Variants in AGBL1 observed in about 807,000 individuals in gnomAD.
AGBL1 encodes cytosolic carboxypeptidase 4.
In AGBL1, 130 loss-of-function variants were observed where a neutral mutation model predicts 118.9. That is an observed-to-expected ratio of 1.09 (90% CI 0.95 to 1.26). The LOEUF (loss-of-function observed/expected upper bound fraction) is 1.26. AGBL1 is among the 50% of genes most tolerant of loss of function. The pLI, the probability that AGBL1 is intolerant of heterozygous loss-of-function variation, is 0.00. For missense variants in AGBL1, 1,584 were observed against 1,298.1 expected, an observed-to-expected ratio of 1.22 and a Z score of -3.38; for synonymous variants, 555 against 478.9, an observed-to-expected ratio of 1.16 and a Z score of -2.08.
chr15:86,227,298 G>A (rs544606020), intron 6 of AGBL1, among the ~76,000 whole-genome samples: 2 of 152,232 alleles, frequency 1.3e-5, no homozygotes, highest in African/African-American at 2.4e-5. Flanking sequence ...TGCTAATTCT[G>A]CTGAGCTGTC....
At position 86,372,571 on chromosome 15, in the gene AGBL1, C is replaced by G. The variant is rs114196524; in HGVS notation, c.2375-24795C>G. 4.2e-3 allele frequency among the ~76,000 whole-genome samples: 641 copies of G among 152,386 alleles called. 3 individuals carry two copies. Among genetic ancestry groups the G allele is most frequent in the African/African-American group, 0.014 (584 of 41,592 alleles). On this transcript the variant is annotated intron_variant, in intron 17 of 22. Transcript: ENST00000614907. ...ATTTCTCTCCATTCATACATATGCACATGTTTGCATAAATGCAAATATATG... is the reference window on the plus strand; with the variant it reads ...ATTTCTCTCCATTCATACATATGCAGATGTTTGCATAAATGCAAATATATG...
intron 18 of AGBL1, among the ~76,000 whole-genome samples, chr15:86,397,933 G>A (rs772829845): frequency 6.6e-6 from 1 of 152,118 alleles, no homozygotes; most frequent in Non-Finnish European, 1.5e-5. Context: ...GGTGTCCAGG[G>A]TAATCAAATG....
chr15:86,120,960 G>A (rs1313729306), intron 1 of AGBL1, among the ~76,000 whole-genome samples: 4 of 151,230 alleles, frequency 2.6e-5, no homozygotes, highest in Non-Finnish European at 5.9e-5. Context: ...GCAGTGGCAT[G>A]ATCTCAACTC....
chr15:86,637,984 A>G (rs2085125268), intron 21 of AGBL1, among the ~76,000 whole-genome samples: 1 of 152,056 alleles, frequency 6.6e-6, no homozygotes. Context: ...CAGGGCTCTC[A>G]TGTTTTTTCC....
intron 1 of AGBL1, chr15:86,105,122 A>G (rs1042614246): frequency 9.2e-5 from 14 of 152,182 alleles, no homozygotes; most frequent in Non-Finnish European, 1.9e-4. Flanking sequence ...GTGTAATAAT[A>G]TACTTGCTAT....
chr15:87,006,197 G>A (rs184225823), intron 24 of AGBL1, among the ~76,000 whole-genome samples: 3 of 152,312 alleles, frequency 2.0e-5, no homozygotes, highest in Admixed American at 2.0e-4. Context: ...TGCATGCTGG[G>A]AGAACCACTA....
chr15:86,702,668 C>G (rs568295953), intron 22 of AGBL1, among the ~76,000 whole-genome samples: 109 of 152,250 alleles, frequency 7.2e-4, no homozygotes, highest in African/African-American at 2.5e-3. Flanking sequence ...GTACATTTCT[C>G]TCTCCACCTT....
intron 1 of AGBL1, among the ~76,000 whole-genome samples, chr15:86,134,110 T>C (rs1007321898): frequency 2.0e-5 from 3 of 152,242 alleles, no homozygotes; most frequent in Admixed American, 2.0e-4. Flanking sequence ...CTGTTTCCTC[T>C]TGTGTGAAGA....
intron 17 of AGBL1, among the ~76,000 whole-genome samples, chr15:86,325,766 A>T (rs1294162245): frequency 1.3e-5 from 2 of 152,166 alleles, no homozygotes; most frequent in South Asian, 4.1e-4. Context: ...CTATACTGGA[A>T]ATATAGGTTG....
At chr15:86,295,216 A>C (rs764197197) in intron 16 of AGBL1, 39 bp from the exon 17 acceptor site, 1 of 1,603,518 alleles carries the variant, frequency 6.2e-7, no homozygotes, top group Non-Finnish European at 8.5e-7. Context: ...GTTATAAAAA[A>C]TGTTGATAAT....
At chr15:86,527,933 C>T (rs1345149596) in intron 19 of AGBL1, among the ~76,000 whole-genome samples, 1 of 152,196 alleles carries the variant, frequency 6.6e-6, no homozygotes, top group Non-Finnish European at 1.5e-5. Flanking sequence ...CCTAGCCATC[C>T]ATCATCCATT....
chr15:86,511,546 C>T (rs976172214), intron 18 of AGBL1, among the ~76,000 whole-genome samples: 5 of 152,026 alleles, frequency 3.3e-5, no homozygotes, highest in African/African-American at 9.7e-5. Flanking sequence ...GCTACTCTAG[C>T]TGTGTGACCT....
chr15:86,847,160 CTCTT>C, intron 22 of AGBL1, among the ~76,000 whole-genome samples: 1 of 152,152 alleles, frequency 6.6e-6, no homozygotes, highest in East Asian at 1.9e-4. Flanking sequence ...AATCATATTT[CTCTT>C]TATTTAAGCA....
intron 23 of AGBL1, among the ~76,000 whole-genome samples, chr15:86,979,750 G>T (rs771524233): frequency 2.0e-5 from 3 of 152,026 alleles, no homozygotes; most frequent in Non-Finnish European, 2.9e-5. Flanking sequence ...TGATCTGCCC[G>T]CCTTGGCCTT....
At chr15:86,562,579 A>T (rs1170356268) in intron 21 of AGBL1, among the ~76,000 whole-genome samples, 1 of 152,198 alleles carries the variant, frequency 6.6e-6, no homozygotes, top group Non-Finnish European at 1.5e-5. Flanking sequence ...ATCAATGTTC[A>T]TCAGGGATAT....
chr15:86,896,393 G>A (rs558915627), intron 22 of AGBL1, among the ~76,000 whole-genome samples: 2 of 145,318 alleles, frequency 1.4e-5, no homozygotes, highest in East Asian at 4.0e-4. Context: ...ATATACCCTG[G>A]GTTTAAAAAA....
intron 22 of AGBL1, among the ~76,000 whole-genome samples, chr15:86,859,716 A>C (rs1227241853): frequency 6.6e-6 from 1 of 152,214 alleles, no homozygotes; most frequent in Non-Finnish European, 1.5e-5. Flanking sequence ...GAGAGAGTAC[A>C]TAAGAAGTGT....
intron 22 of AGBL1, among the ~76,000 whole-genome samples, chr15:86,896,476 A>G (rs1195619012): frequency 1.3e-5 from 2 of 151,856 alleles, no homozygotes; most frequent in African/African-American, 4.8e-5. Flanking sequence ...CAAGAATTAC[A>G]TGGTTTGTGA....
chr15:86,702,984 G>C (rs1019732253), intron 22 of AGBL1, among the ~76,000 whole-genome samples: 1 of 152,092 alleles, frequency 6.6e-6, no homozygotes, highest in African/African-American at 2.4e-5. Flanking sequence ...AATGATTGGA[G>C]GATGAGGATG....
Sources: gnomAD v4.1 joint callset for allele counts (sites outside exome capture counted in the v4.1 genomes callset) on GRCh38, gnomAD v4.1.1 for gene constraint, MANE v1.5 for transcripts, NCBI Gene and HGNC (gene_info 2026-07-23, HGNC 2026-07-21) for gene names.